PLPP4: variants seen among roughly 807,000 people sequenced by gnomAD.
PLPP4 encodes the protein diacylglycerol pyrophosphate like 2.
In PLPP4, 20 loss-of-function variants were observed where a neutral mutation model predicts 32.2. The observed-to-expected ratio is 0.62, with a 90% CI of 0.44 to 0.90. The LOEUF is 0.90. Ranked by LOEUF, PLPP4 falls within the 40% of genes least tolerant of loss-of-function variation. The probability of loss-of-function intolerance (pLI) is 0.00; values close to 1 mark genes in which losing one functional copy is unlikely to be tolerated. For synonymous variants in PLPP4, 127 were observed against 133.0 expected, an observed-to-expected ratio of 0.95 and a Z score of 0.31; for missense variants, 257 against 353.1, an observed-to-expected ratio of 0.73 and a Z score of 2.18.
At chr10:120,511,201 G>T (rs1845713151) in intron 2 of PLPP4, among the ~76,000 whole-genome samples, 1 of 152,192 alleles carries the variant, frequency 6.6e-6, no homozygotes, top group Non-Finnish European at 1.5e-5. Flanking sequence ...TTGAGGCAGG[G>T]CGCAGTTCTA....
intron 1 of PLPP4, among the ~76,000 whole-genome samples, chr10:120,473,797 A>G (rs1007637697): frequency 4.6e-5 from 7 of 152,078 alleles, no homozygotes; most frequent in Admixed American, 3.9e-4. Context: ...CTGCCAGGTG[A>G]CGATGTGCTC....
At chr10:120,586,299 A>ATT (rs3067612) in intron 6 of PLPP4, among the ~76,000 whole-genome samples, 42,273 of 137,234 alleles carry the variant, frequency 0.31, 6,716 homozygotes, top group Non-Finnish European at 0.36. Flanking sequence ...ACACCTGGCT[A>ATT]TTTTTTTTTT....
intron 1 of PLPP4, among the ~76,000 whole-genome samples, chr10:120,493,252 C>T (rs2133842442): frequency 6.6e-6 from 1 of 152,268 alleles, no homozygotes; most frequent in African/African-American, 2.4e-5. Flanking sequence ...TAACTTTATT[C>T]GTGGGTTCAC....
intron 5 of PLPP4, among the ~76,000 whole-genome samples, chr10:120,558,708 C>G (rs567283555): frequency 6.6e-6 from 1 of 152,138 alleles, no homozygotes; most frequent in Non-Finnish European, 1.5e-5. Flanking sequence ...TGAGCCACCA[C>G]GCCCAGGCTA....
intron 6 of PLPP4, among the ~76,000 whole-genome samples, chr10:120,586,455 C>A (rs1181130648): frequency 6.6e-6 from 1 of 152,086 alleles, no homozygotes; most frequent in African/African-American, 2.4e-5. Flanking sequence ...GTAGAGTCTC[C>A]AAATAATCTC....
chr10:120,491,040 G>A lies in PLPP4; in HGVS notation c.57-12778G>A, dbSNP rs763918315. ...CTAGAGTCTTGCTGTGTCCTGGTGC[G>A]GGGTATACAGACTGTCCCAGACTGC... On this transcript the variant is annotated intron_variant, in intron 1 of 6. Transcript: ENST00000398250. Among the ~76,000 whole-genome samples, 10 of 152,248 alleles carry A rather than the reference G, an allele frequency of 6.6e-5. No individual in the cohort carries two copies. The South Asian group carries it at 1.5e-3, about 22-fold the overall frequency.
intron 5 of PLPP4, among the ~76,000 whole-genome samples, chr10:120,556,746 G>A (rs1020219354): frequency 6.6e-6 from 1 of 152,150 alleles, no homozygotes; most frequent in African/African-American, 2.4e-5. Context: ...GAGAAGCAGA[G>A]AGTTAAGTAT....
Position 120,553,892 on chromosome 10 carries a change from T to C in PLPP4, c.446-21239T>C, listed in dbSNP as rs1848027589. ...TCTCTCCTAGGGATCTAGACCTTGA[T>C]GTAGGAGCTGCCATGAAGGTCTCTA... On this transcript the variant is annotated intron_variant, in intron 5 of 6. Transcript: ENST00000398250. 5.9e-5 allele frequency among the ~76,000 whole-genome samples: 9 copies of C among 152,346 alleles called. No homozygotes were observed. The South Asian group carries it at 1.9e-3, about 32-fold the overall frequency.
At chr10:120,558,179 A>AT (rs1412907941) in intron 5 of PLPP4, among the ~76,000 whole-genome samples, 2 of 151,536 alleles carry the variant, frequency 1.3e-5, no homozygotes. Flanking sequence ...TTATCTTGAG[A>AT]TTTTCAAAAT....
chr10:120,529,185 C>CGTGT (rs71819744), intron 5 of PLPP4, among the ~76,000 whole-genome samples: 3 of 150,700 alleles, frequency 2.0e-5, no homozygotes, highest in East Asian at 2.0e-4. Context: ...CACAAGTGTG[C>CGTGT]GTGTGTGTGT....
At position 120,563,215 on chromosome 10, in the gene PLPP4, G is replaced by C. The variant is rs1317420573; in HGVS notation, c.446-11916G>C. Among the ~76,000 whole-genome samples, 3 of 152,006 alleles carry C rather than the reference G, an allele frequency of 2.0e-5. No homozygotes were observed. In the East Asian group the frequency reaches 5.8e-4, roughly 29 times the overall value. ...GATCGCGCCACTGCACTCCAGCCTG[G>C]GTAACAAGAGCGAAACCCCATCTCA... On this transcript the variant is annotated intron_variant, in intron 5 of 6. Coordinates refer to ENST00000398250, the MANE Select transcript of PLPP4 (RefSeq NM_001030059.3).
chr10:120,590,961 G>T lies in PLPP4; in HGVS notation c.*1459G>T, dbSNP rs953759659. ...TTTTTGTATTTTTAGTAGACACGGG[G>T]TTTCACCACGTTGGCCAGGCTGGTC... On this transcript the variant is annotated 3_prime_UTR_variant, in exon 7 of 7. Coordinates refer to ENST00000398250, the MANE Select transcript of PLPP4 (RefSeq NM_001030059.3). 6.6e-6 allele frequency among the ~76,000 whole-genome samples: 1 copy of T among 151,948 alleles called. No individual in the cohort carries two copies. Among genetic ancestry groups the T allele is most frequent in the Non-Finnish European group, 1.5e-5 (1 of 67,996 alleles).
chr10:120,563,011 G>T (rs561472734), intron 5 of PLPP4, among the ~76,000 whole-genome samples: 2 of 152,166 alleles, frequency 1.3e-5, no homozygotes, highest in East Asian at 3.9e-4. Context: ...AAGCCAAGGC[G>T]GGTGGATCAC....
chr10:120,467,066 A>G (rs1289928796), intron 1 of PLPP4, among the ~76,000 whole-genome samples: 1 of 152,088 alleles, frequency 6.6e-6, no homozygotes, highest in Non-Finnish European at 1.5e-5. Flanking sequence ...AATTGCCAGT[A>G]TATAAGTATG....
chr10:120,466,397 A>C (rs2463159), intron 1 of PLPP4, among the ~76,000 whole-genome samples: 19,342 of 152,178 alleles, frequency 0.13, 1,437 homozygotes, highest in Middle Eastern at 0.23. Context: ...AAAATGAATA[A>C]ATAAATTGGA....
chr10:120,475,246 TAAG>T (rs1300521475), intron 1 of PLPP4, among the ~76,000 whole-genome samples: 2 of 151,722 alleles, frequency 1.3e-5, no homozygotes, highest in East Asian at 1.9e-4. Flanking sequence ...TTTTTTTTTT[TAAG>T]AAGATTTTTC....
intron 5 of PLPP4, among the ~76,000 whole-genome samples, chr10:120,542,381 G>C (rs1357515977): frequency 6.6e-6 from 1 of 152,170 alleles, no homozygotes; most frequent in African/African-American, 2.4e-5. Context: ...TGGAAGAACA[G>C]AATTAATAGT....
chr10:120,552,107 T>G (rs1486114835), intron 5 of PLPP4, among the ~76,000 whole-genome samples: 1 of 151,854 alleles, frequency 6.6e-6, no homozygotes, highest in Admixed American at 6.6e-5. Flanking sequence ...TATAAAATGC[T>G]CAATTCTGTT....
At chr10:120,484,444 T>C (rs892028639) in intron 1 of PLPP4, among the ~76,000 whole-genome samples, 1 of 152,150 alleles carries the variant, frequency 6.6e-6, no homozygotes, top group Non-Finnish European at 1.5e-5. Context: ...GGTGAGGGCC[T>C]TCCTGCTGCA....
Sources: gnomAD v4.1 joint callset for allele counts (sites outside exome capture counted in the v4.1 genomes callset) on GRCh38, gnomAD v4.1.1 for gene constraint, MANE v1.5 for transcripts, NCBI Gene and HGNC (gene_info 2026-07-23, HGNC 2026-07-21) for gene names.